Variants in EDDM13 observed in about 807,000 individuals in gnomAD.
The protein encoded by EDDM13 is epididymal protein 13.
In EDDM13, 24 loss-of-function variants were observed where a neutral mutation model predicts 17.8. The observed-to-expected ratio is 1.35, with a 90% CI of 0.98 to 1.90. The LOEUF is 1.90. Ranked by LOEUF, EDDM13 falls within the 40% of genes most tolerant of loss-of-function variation. The pLI, the probability that EDDM13 is intolerant of heterozygous loss-of-function variation, is 0.00. For synonymous variants in EDDM13, 31 were observed against 37.5 expected, an observed-to-expected ratio of 0.83 and a Z score of 0.63; for missense variants, 97 against 100.8, an observed-to-expected ratio of 0.96 and a Z score of 0.16.
intron 2 of EDDM13, among the ~76,000 whole-genome samples, chr19:56,281,438 G>A (rs1444361607): frequency 6.6e-6 from 1 of 152,052 alleles, no homozygotes; most frequent in African/African-American, 2.4e-5. Flanking sequence ...GTTAAAGAAG[G>A]GTTTCTAACA....
chr19:56,307,224 C>A (rs1568734130), intron 14 of EDDM13, among the ~76,000 whole-genome samples: 1 of 152,220 alleles, frequency 6.6e-6, no homozygotes, highest in Non-Finnish European at 1.5e-5. Flanking sequence ...TCTCCCACGT[C>A]GCCTGCCTTT....
intron 2 of EDDM13, among the ~76,000 whole-genome samples, chr19:56,277,932 T>TA (rs1306966829): frequency 2.0e-5 from 3 of 152,140 alleles, no homozygotes; most frequent in Non-Finnish European, 4.4e-5. Flanking sequence ...ATAAGGATAA[T>TA]AAATATACAT....
At chr19:56,298,522 G>A (rs1471274767) in intron 12 of EDDM13, among the ~76,000 whole-genome samples, 4 of 151,260 alleles carry the variant, frequency 2.6e-5, no homozygotes, top group Non-Finnish European at 5.9e-5. Context: ...GCGTGGTGGC[G>A]GGTGCCTGTA....
Position 56,281,699 on chromosome 19 carries a change from G to T in EDDM13, c.109+1G>T. ...GCTCTGCTGCCCCTTCCAGTCAACTGTAAGTCATATCTCCTTCTCCCTACA... is the reference window on the plus strand; with the variant it reads ...GCTCTGCTGCCCCTTCCAGTCAACTTTAAGTCATATCTCCTTCTCCCTACA... On this transcript the variant is annotated splice_donor_variant, in intron 3 of 14. Coordinates refer to ENST00000649256, the MANE Select transcript of EDDM13 (RefSeq NM_001354658.2). LOFTEE classifies it high-confidence loss of function. 1 of 985,320 alleles carries T rather than the reference G, an allele frequency of 1.0e-6. No individual in the cohort carries two copies. The highest frequency in any genetic ancestry group is 1.2e-6 in the Non-Finnish European group (1 of 829,888). 61.0% of individuals were successfully genotyped at this position (985,320 alleles called of 1,614,324 possible). A position where few individuals can be genotyped will look rare whatever the true frequency, so the allele number is the denominator to read the frequency against.
At chr19:56,299,191 G>C (rs1823793190) in intron 12 of EDDM13, among the ~76,000 whole-genome samples, 1 of 151,806 alleles carries the variant, frequency 6.6e-6, no homozygotes, top group African/African-American at 2.4e-5. Flanking sequence ...GAGTGCAGTG[G>C]TATGATCACG....
intron 2 of EDDM13, among the ~76,000 whole-genome samples, chr19:56,281,396 A>G (rs1020960339): frequency 3.3e-5 from 5 of 152,202 alleles, no homozygotes; most frequent in African/African-American, 7.2e-5. Context: ...ATATAAATAT[A>G]TATCTGTAAG....
chr19:56,298,584 C>T (rs1405788594), intron 12 of EDDM13, among the ~76,000 whole-genome samples: 2 of 150,238 alleles, frequency 1.3e-5, no homozygotes, highest in African/African-American at 2.5e-5. Flanking sequence ...ACCTGGGAGG[C>T]GGAAGCTGCA....
At chr19:56,291,508 G>A (rs2039508177) in intron 9 of EDDM13, among the ~76,000 whole-genome samples, 1 of 152,152 alleles carries the variant, frequency 6.6e-6, no homozygotes, top group Admixed American at 6.5e-5. Flanking sequence ...GGTGGGAGGA[G>A]CTAGGAAGAA....
In EDDM13 at chr19:56,292,254, A is replaced by G. The variant is rs953097974; in HGVS notation, c.232+1408A>G. Among the ~76,000 whole-genome samples the G allele has an allele frequency of 2.6e-5, 4 of 152,154 alleles. No homozygotes were observed. The East Asian group carries it at 5.8e-4, about 22-fold the overall frequency. ...TTAAAAAGTCTTGAAATTGTAGTAA[A>G]ATATACAAAACATGAAATTTACCAT... On this transcript the variant is annotated intron_variant, in intron 9 of 14. Coordinates refer to ENST00000649256, the MANE Select transcript of EDDM13 (RefSeq NM_001354658.2).
At chr19:56,277,888 C>T (rs1353983501) in intron 2 of EDDM13, among the ~76,000 whole-genome samples, 2 of 151,952 alleles carry the variant, frequency 1.3e-5, no homozygotes, top group East Asian at 3.8e-4. Flanking sequence ...CCACTTGTAC[C>T]CCTAAAGCTA....
intron 12 of EDDM13, 43 bp downstream of exon 12, chr19:56,297,574 G>A: frequency 1.0e-6 from 1 of 961,546 alleles, no homozygotes; most frequent in Non-Finnish European, 1.2e-6. Context: ...ATAAGACAGT[G>A]TGTCCCTTCT....
intron 8 of EDDM13, among the ~76,000 whole-genome samples, chr19:56,289,644 C>T (rs2039381597): frequency 1.3e-5 from 2 of 152,220 alleles, no homozygotes; most frequent in East Asian, 3.9e-4. Flanking sequence ...GATGGGTTCT[C>T]ACTTTGTTGC....
chr19:56,295,150 A>G (rs2039780530), intron 9 of EDDM13: 1 of 152,184 alleles, frequency 6.6e-6, no homozygotes, highest in East Asian at 1.9e-4. Context: ...TGTACACTTG[A>G]TGGGTGAGTC....
At chr19:56,288,069 C>G (rs770105521) in intron 6 of EDDM13, among the ~76,000 whole-genome samples, 1 of 152,142 alleles carries the variant, frequency 6.6e-6, no homozygotes, top group Non-Finnish European at 1.5e-5. Context: ...CTGATGGTCA[C>G]GAGGCTGGTG....
In EDDM13 at chr19:56,300,449, G is replaced by T. The variant is rs377434304; in HGVS notation, c.296-1519G>T. Among the ~76,000 whole-genome samples the T allele has an allele frequency of 7.2e-5, 11 of 152,312 alleles. No homozygotes were observed. In the South Asian group the frequency reaches 2.3e-3, roughly 32 times the overall value. On this transcript the variant is annotated intron_variant, in intron 12 of 14. Coordinates refer to ENST00000649256, the MANE Select transcript of EDDM13 (RefSeq NM_001354658.2). Reference sequence around the variant, plus strand: ...AACTTCTAGTATCTTTATCACAGGAGGTAGATTTGCTACTTGGGGTGAGGT... The same window carrying T: ...AACTTCTAGTATCTTTATCACAGGATGTAGATTTGCTACTTGGGGTGAGGT...
intron 13 of EDDM13, among the ~76,000 whole-genome samples, chr19:56,303,426 C>A (rs1189646027): frequency 6.8e-6 from 1 of 146,852 alleles, no homozygotes; most frequent in African/African-American, 2.5e-5. Flanking sequence ...TGCAGTGAGC[C>A]AAGATCACAC....
At chr19:56,302,925 A>C in intron 13 of EDDM13, 1 of 398,424 alleles carries the variant, frequency 2.5e-6, no homozygotes, top group Non-Finnish European at 4.4e-6. Flanking sequence ...TAATTCTGTA[A>C]GGGAGGCAGA....
intron 8 of EDDM13, among the ~76,000 whole-genome samples, 178 bp from the exon 9 acceptor site, chr19:56,290,663 A>G (rs2039449009): frequency 6.6e-6 from 1 of 152,164 alleles, no homozygotes; most frequent in Non-Finnish European, 1.5e-5. Flanking sequence ...GTTTAAGATC[A>G]GCCTGGGCAA....
At chr19:56,290,076 G>A (rs1318420529) in intron 8 of EDDM13, among the ~76,000 whole-genome samples, 1 of 152,170 alleles carries the variant, frequency 6.6e-6, no homozygotes, top group Non-Finnish European at 1.5e-5. Flanking sequence ...CCCCAAACTG[G>A]CTAATTATCT....
Sources: gnomAD v4.1 joint callset for allele counts (sites outside exome capture counted in the v4.1 genomes callset) on GRCh38, gnomAD v4.1.1 for gene constraint, MANE v1.5 for transcripts, NCBI Gene and HGNC (gene_info 2026-07-23, HGNC 2026-07-21) for gene names.